CALN1: variants seen among roughly 807,000 people sequenced by gnomAD.
CALN1 encodes calneuron 1, also known as calcium-binding protein 8.
A neutral mutation model predicts 30.6 loss-of-function variants in CALN1; 17 were observed. The ratio of observed to expected loss-of-function variants is 0.56; its 90% CI spans 0.38 to 0.83. The LOEUF (loss-of-function observed/expected upper bound fraction) is 0.83. Among genes scored for constraint, CALN1 ranks in the 40% least tolerant of loss-of-function variants. The probability of loss-of-function intolerance (pLI) is 0.00; values close to 1 mark genes in which losing one functional copy is unlikely to be tolerated. For missense variants in CALN1, 291 were observed against 354.9 expected (o/e 0.82, Z 1.45); for synonymous variants, 156 against 131.4 (o/e 1.19, Z -1.28).
intron 2 of CALN1, among the ~76,000 whole-genome samples, chr7:72,329,120 A>G (rs1801485845): frequency 6.6e-6 from 1 of 152,220 alleles, no homozygotes; most frequent in South Asian, 2.1e-4. Flanking sequence ...TGGTCCATTT[A>G]TTTCCATTGT....
intron 3 of CALN1, among the ~76,000 whole-genome samples, chr7:72,128,518 G>C (rs1278210183): frequency 6.6e-6 from 1 of 152,132 alleles, no homozygotes; most frequent in Non-Finnish European, 1.5e-5. Flanking sequence ...TTTTAAGAGT[G>C]AATAAGGGAG....
At chr7:72,047,233 C>G (rs1584821074) in intron 4 of CALN1, among the ~76,000 whole-genome samples, 1 of 152,102 alleles carries the variant, frequency 6.6e-6, no homozygotes, top group East Asian at 1.9e-4. Context: ...TTAGATATGG[C>G]CAATGAAAGC....
chr7:72,124,290 T>C (rs988206694), intron 3 of CALN1, among the ~76,000 whole-genome samples: 2 of 152,074 alleles, frequency 1.3e-5, no homozygotes, highest in Admixed American at 1.3e-4. Flanking sequence ...AGTTAAGAAC[T>C]TGGAAAAAAT....
chr7:72,321,545 C>G (rs1315417360), intron 2 of CALN1, among the ~76,000 whole-genome samples: 1 of 152,108 alleles, frequency 6.6e-6, no homozygotes, highest in Non-Finnish European at 1.5e-5. Flanking sequence ...AGTGGGGCAG[C>G]CTACATCAGC....
chr7:71,798,133 G>C (rs774962821), intron 6 of CALN1, among the ~76,000 whole-genome samples: 25 of 109,106 alleles, frequency 2.3e-4, no homozygotes, highest in East Asian at 2.2e-3. Context: ...CAGAGAGAGA[G>C]AGAGAGAGAG....
chr7:72,241,848 G>A (rs1224336455), intron 3 of CALN1, among the ~76,000 whole-genome samples: 1 of 152,148 alleles, frequency 6.6e-6, no homozygotes, highest in Non-Finnish European at 1.5e-5. Flanking sequence ...AGGCCACTAG[G>A]ATGAAAGTTT....
chr7:71,843,894 C>T (rs1790086516), intron 5 of CALN1, among the ~76,000 whole-genome samples: 1 of 152,018 alleles, frequency 6.6e-6, no homozygotes, highest in Non-Finnish European at 1.5e-5. Flanking sequence ...AGAGATTCTA[C>T]ATAGTGTGCT....
chr7:72,494,362 A>C, the CALN1 span, among the ~76,000 whole-genome samples: 1 of 152,228 alleles, frequency 6.6e-6, no homozygotes, highest in African/African-American at 2.4e-5. Flanking sequence ...ACCTGCTAGC[A>C]AGCTTACCTT....
At chr7:72,471,705 G>T in the CALN1 span, among the ~76,000 whole-genome samples, 2 of 152,154 alleles carry the variant, frequency 1.3e-5, no homozygotes, top group Non-Finnish European at 2.9e-5. Flanking sequence ...CCCATCAAGC[G>T]GGAAATTCTC....
At chr7:72,090,229 G>A (rs1012806668) in intron 4 of CALN1, among the ~76,000 whole-genome samples, 12 of 152,178 alleles carry the variant, frequency 7.9e-5, no homozygotes, top group Non-Finnish European at 1.5e-4. Context: ...TTGAACCTGG[G>A]AGGCAGAGAT....
chr7:72,415,324 G>T (rs979262891), upstream of CALN1, among the ~76,000 whole-genome samples: 1 of 152,182 alleles, frequency 6.6e-6, no homozygotes, highest in Admixed American at 6.5e-5. Context: ...CTTATAAAAC[G>T]GGGCATGCCA....
In CALN1 at chr7:72,337,165, T is replaced by C. The variant is rs1269312446; in HGVS notation, c.120-58355A>G. ...GGAGTTGCGCGCCCTAGAAACTCCA[T>C]GCAGCTCCGGCCTCCTCCCCAGCTC... On this transcript the variant is annotated intron_variant, in intron 2 of 6. Coordinates refer to ENST00000395275, the MANE Select transcript of CALN1 (RefSeq NM_031468.4). The C allele has an allele frequency of 4.1e-6, 4 of 985,184 alleles. No individual in the cohort carries two copies. The Admixed American group carries it at 1.8e-4, about 45-fold the overall frequency. 61.0% of individuals were successfully genotyped at this position (985,184 alleles called of 1,614,324 possible).
intron 5 of CALN1, among the ~76,000 whole-genome samples, chr7:71,909,175 C>G (rs577804452): frequency 1.3e-5 from 2 of 152,084 alleles, no homozygotes; most frequent in South Asian, 4.1e-4. Flanking sequence ...CACCAACACG[C>G]CCAGCTGATT....
intron 5 of CALN1, among the ~76,000 whole-genome samples, chr7:71,899,049 G>A (rs570916216): frequency 6.6e-6 from 1 of 151,834 alleles, no homozygotes; most frequent in South Asian, 2.1e-4. Context: ...ACTTCTGTAA[G>A]CCAAAATACT....
intron 3 of CALN1, among the ~76,000 whole-genome samples, chr7:72,193,973 G>C (rs1280689646): frequency 6.6e-6 from 1 of 152,108 alleles, no homozygotes; most frequent in Non-Finnish European, 1.5e-5. Context: ...GTGGGAGGGG[G>C]TGAGAGATAA....
Position 72,037,039 on chromosome 7 carries a change from G to A in CALN1, c.389-13270C>T, listed in dbSNP as rs144469842. On this transcript the variant is annotated intron_variant, in intron 4 of 6. Transcript: ENST00000395275. The stretch of plus-strand genomic sequence containing the variant: ...TTGTTGCCCAGGCTGGAGTGCAGTG[G>A]TGTGATCACAGCTCACTGTAAACTC... Among the ~76,000 whole-genome samples the A allele has an allele frequency of 3.4e-3, 520 of 152,278 alleles. 2 individuals carry two copies. Among genetic ancestry groups the A allele is most frequent in the African/African-American group, 0.012 (501 of 41,550 alleles).
chr7:72,466,390 A>T, the CALN1 span, among the ~76,000 whole-genome samples: 1 of 152,142 alleles, frequency 6.6e-6, no homozygotes, highest in Non-Finnish European at 1.5e-5. Flanking sequence ...CCCCAGCCAC[A>T]GTCTAGTGTG....
chr7:72,380,065 G>A (rs900487645), intron 2 of CALN1, among the ~76,000 whole-genome samples: 1 of 152,194 alleles, frequency 6.6e-6, no homozygotes, highest in African/African-American at 2.4e-5. Flanking sequence ...AGTATGTGAA[G>A]AGCAGTGCAG....
At chr7:72,257,133 G>A (rs992840624) in intron 3 of CALN1, among the ~76,000 whole-genome samples, 1 of 152,202 alleles carries the variant, frequency 6.6e-6, no homozygotes, top group Non-Finnish European at 1.5e-5. Flanking sequence ...GCAAGAGAGA[G>A]AGCGTGCACA....
Sources: gnomAD v4.1 joint callset for allele counts (sites outside exome capture counted in the v4.1 genomes callset) on GRCh38, gnomAD v4.1.1 for gene constraint, MANE v1.5 for transcripts, NCBI Gene and HGNC (gene_info 2026-07-23, HGNC 2026-07-21) for gene names.